GCH1: variants seen among roughly 807,000 people sequenced by gnomAD.
GCH1 encodes GTP cyclohydrolase 1, also known as GTP cyclohydrolase I.
GCH1 carries 5 observed loss-of-function variants against 25.9 expected under a neutral mutation model. That is an observed-to-expected ratio of 0.19 (90% CI 0.10 to 0.41). The LOEUF (loss-of-function observed/expected upper bound fraction) is 0.41, where lower values mean the gene tolerates loss of function less well. GCH1 is among the 10% of genes least tolerant of loss of function. The pLI is 1.00. For missense variants in GCH1, 261 were observed against 336.5 expected (o/e 0.78, Z 1.75); for synonymous variants, 159 against 129.6 (o/e 1.23, Z -1.54).
In GCH1 at chr14:54,902,517, G is replaced by A; in HGVS notation, c.147C>T (p.Pro49=). 6.3e-7 allele frequency: 1 copy of A among 1,597,388 alleles called. No homozygotes were observed. ...GCCGCTCGCCCTTCCAGCCGTCCGC[G>A]GGCTGCGCGCTCTTGGCCTCGGGCC... ...PPRPEAKSAQ[P]ADGWKGERPR... The change falls in exon 1 of 6, where the codon CCC becomes CCT. Residue 49 remains proline (P), a synonymous_variant. Transcript: ENST00000491895.
At chr14:54,896,251 T>C (rs1389677645) in intron 1 of GCH1, among the ~76,000 whole-genome samples, 1 of 152,120 alleles carries the variant, frequency 6.6e-6, no homozygotes, top group Non-Finnish European at 1.5e-5. Context: ...CAATATATAG[T>C]GGCCACTTGA....
rs1039714486 is a variant in GCH1 at position 54,870,805 on chromosome 14, G to A, written c.344-5369C>T. Among the ~76,000 whole-genome samples, 5 of 152,322 alleles carry A rather than the reference G, an allele frequency of 3.3e-5. No individual in the cohort carries two copies. The South Asian group carries it at 8.3e-4, about 25-fold the overall frequency. ...AGGCGGCAGCGAGGCTGGGGGAGGG[G>A]CACCCGCCATTGCCGAGGCTTGAGT... On this transcript the variant is annotated intron_variant, in intron 1 of 5. Transcript: ENST00000491895.
chr14:54,870,880 C>T (rs2040065143), intron 1 of GCH1, among the ~76,000 whole-genome samples: 1 of 152,234 alleles, frequency 6.6e-6, no homozygotes, highest in African/African-American at 2.4e-5. Flanking sequence ...CCCACCGCAG[C>T]TCAAGGAGCC....
chr14:54,842,135 TC>T lies in GCH1; in HGVS notation c.*1881del, dbSNP rs1566657511. ...TTGAAATACATCAAATTCTTAAAAA[TC>T]CCCCAAATGGACTCAAGATCATGGA... On this transcript the variant is annotated 3_prime_UTR_variant, in exon 6 of 6. Coordinates refer to ENST00000491895, the MANE Select transcript of GCH1 (RefSeq NM_000161.3). The T allele has an allele frequency of 6.6e-6, 1 of 152,122 alleles. No individual in the cohort carries two copies. The highest frequency in any genetic ancestry group is 1.5e-5 in the Non-Finnish European group (1 of 68,014). 9.4% of individuals were successfully genotyped at this position (152,122 alleles called of 1,614,324 possible). A position where few individuals can be genotyped will look rare whatever the true frequency, so the allele number is the denominator to read the frequency against.
At chr14:54,872,838 C>T (rs2040101022) in intron 1 of GCH1, among the ~76,000 whole-genome samples, 1 of 152,088 alleles carries the variant, frequency 6.6e-6, no homozygotes, top group Non-Finnish European at 1.5e-5. Flanking sequence ...TACAGGAGCA[C>T]CCAGATTCAT....
intron 1 of GCH1, among the ~76,000 whole-genome samples, chr14:54,882,155 C>T (rs2040281681): frequency 1.3e-5 from 2 of 152,216 alleles, no homozygotes; most frequent in Non-Finnish European, 2.9e-5. Flanking sequence ...ACCGCACGCA[C>T]AGTGGTTCAA....
intron 5 of GCH1, among the ~76,000 whole-genome samples, chr14:54,844,544 C>T (rs2039611741): frequency 6.6e-6 from 1 of 152,182 alleles, no homozygotes; most frequent in Non-Finnish European, 1.5e-5. Flanking sequence ...GCCTTCAGGA[C>T]CAAGACAGCA....
intron 1 of GCH1, among the ~76,000 whole-genome samples, chr14:54,872,326 C>G (rs1460715442): frequency 6.6e-6 from 1 of 152,094 alleles, no homozygotes; most frequent in Non-Finnish European, 1.5e-5. Context: ...CACGCCTGCC[C>G]TACAAGAGCT....
intron 3 of GCH1, among the ~76,000 whole-genome samples, chr14:54,856,990 A>G (rs1319775532): frequency 6.6e-6 from 1 of 152,006 alleles, no homozygotes; most frequent in Non-Finnish European, 1.5e-5. Flanking sequence ...ATATAAGATT[A>G]AAATGAGCAG....
chr14:54,863,148 G>A (rs142687689), intron 2 of GCH1, among the ~76,000 whole-genome samples: 301 of 152,122 alleles, frequency 2.0e-3, no homozygotes, highest in East Asian at 0.012. Flanking sequence ...GGCCAGGTGC[G>A]GTGGCTCACG....
chr14:54,895,460 A>G (rs1357932556), intron 1 of GCH1, among the ~76,000 whole-genome samples: 3 of 152,228 alleles, frequency 2.0e-5, no homozygotes, highest in Non-Finnish European at 4.4e-5. Flanking sequence ...TGATGGAACA[A>G]GTTATACCCA....
chr14:54,846,979 G>A (rs549195028), intron 4 of GCH1, 120 bp downstream of exon 4: 42 of 478,156 alleles, frequency 8.8e-5, no homozygotes, highest in South Asian at 4.3e-4. Context: ...GCAGTGAGCC[G>A]AGATTGCACC....
chr14:54,888,582 C>G (rs1025687542), intron 1 of GCH1, among the ~76,000 whole-genome samples: 1 of 151,698 alleles, frequency 6.6e-6, no homozygotes, highest in Non-Finnish European at 1.5e-5. Flanking sequence ...GCATGATCTC[C>G]GCTCACTGCA....
At chr14:54,899,475 C>CATA (rs929617070) in intron 1 of GCH1, among the ~76,000 whole-genome samples, 2 of 151,814 alleles carry the variant, frequency 1.3e-5, no homozygotes, top group African/African-American at 4.8e-5. Context: ...TGAAAATAAA[C>CATA]ATAATAATAA....
intron 1 of GCH1, among the ~76,000 whole-genome samples, chr14:54,897,627 A>C (rs1005205986): frequency 3.9e-5 from 6 of 151,910 alleles, no homozygotes; most frequent in African/African-American, 1.5e-4. Context: ...CCCAATTCAC[A>C]GTTTGAAATA....
At position 54,843,146 on chromosome 14, in the gene GCH1, G is replaced by T; in HGVS notation, c.*871C>A. 1 of 1,524,728 alleles carries T rather than the reference G, an allele frequency of 6.6e-7. No homozygotes were observed. The highest frequency in any genetic ancestry group is 1.2e-5 in the South Asian group (1 of 81,330). The allele number at this position is 1,524,728 out of a possible 1,614,324, so 94.4% of individuals were successfully genotyped here. On this transcript the variant is annotated 3_prime_UTR_variant, in exon 6 of 6. Coordinates refer to ENST00000491895, the MANE Select transcript of GCH1 (RefSeq NM_000161.3). Reference sequence around the variant, plus strand: ...AAAAGAAGAAGAAGAAACATTTTGAGGCATCTACATGGATCACACAAAGGA... The same window carrying T: ...AAAAGAAGAAGAAGAAACATTTTGATGCATCTACATGGATCACACAAAGGA...
At chr14:54,896,758 CA>C (rs1169181684) in intron 1 of GCH1, among the ~76,000 whole-genome samples, 189 of 139,462 alleles carry the variant, frequency 1.4e-3, no homozygotes, top group Middle Eastern at 7.3e-3. Context: ...TAAAAAAATA[CA>C]AAAAAAAAAA....
At chr14:54,875,151 C>A (rs1465428620) in intron 1 of GCH1, among the ~76,000 whole-genome samples, 3 of 152,112 alleles carry the variant, frequency 2.0e-5, no homozygotes, top group South Asian at 2.1e-4. Flanking sequence ...CAGAACACAG[C>A]CCTCAGAAGT....
chr14:54,893,822 C>T (rs867992118), intron 1 of GCH1, among the ~76,000 whole-genome samples: 6 of 152,210 alleles, frequency 3.9e-5, no homozygotes, highest in Admixed American at 2.6e-4. Flanking sequence ...GCTTAAGCAT[C>T]GCTTCACCCA....
Sources: gnomAD v4.1 joint callset for allele counts (sites outside exome capture counted in the v4.1 genomes callset) on GRCh38, gnomAD v4.1.1 for gene constraint, MANE v1.5 for transcripts, NCBI Gene and HGNC (gene_info 2026-07-23, HGNC 2026-07-21) for gene names.